TNC: variants seen among roughly 807,000 people sequenced by gnomAD.
TNC encodes the protein tenascin.
A neutral mutation model predicts 202.4 loss-of-function variants in TNC; 109 were observed. The ratio of observed to expected loss-of-function variants is 0.54; its 90% CI spans 0.46 to 0.63. TNC has a LOEUF of 0.63. Ranked by LOEUF, TNC falls within the 30% of genes least tolerant of loss-of-function variation. TNC has a pLI of 0.00. For synonymous variants in TNC, 1,007 were observed against 1,089.7 expected, an observed-to-expected ratio of 0.92 and a Z score of 1.50; for missense variants, 2,756 against 2,833.3, an observed-to-expected ratio of 0.97 and a Z score of 0.62.
At chr9:115,106,852 T>TA (rs2134191151) in intron 1 of TNC, among the ~76,000 whole-genome samples, 2 of 152,254 alleles carry the variant, frequency 1.3e-5, no homozygotes, top group African/African-American at 4.8e-5. Context: ...ACAAACAACT[T>TA]ATTTGTATAA....
At chr9:115,066,560 T>A (rs62578426) in intron 10 of TNC, among the ~76,000 whole-genome samples, 11,977 of 152,226 alleles carry the variant, frequency 0.079, 642 homozygotes, top group Middle Eastern at 0.19. Context: ...GGAACATTCT[T>A]CCTGCTTGTT....
chr9:115,043,023 T>C (rs1018507981), intron 17 of TNC, among the ~76,000 whole-genome samples: 1 of 152,204 alleles, frequency 6.6e-6, no homozygotes, highest in African/African-American at 2.4e-5. Context: ...ACGCTGGGTC[T>C]ACCTGTGAGA....
In TNC at chr9:115,025,785, A is replaced by G. The variant is rs541286250; in HGVS notation, c.6331+749T>C. On this transcript the variant is annotated intron_variant, in intron 26 of 27. Transcript: ENST00000350763. ...ATGGTACCTAGTAGGGCCTTAATACATGTTGTTTCCTTATTTATTTCTCCT... is the reference window on the plus strand; with the variant it reads ...ATGGTACCTAGTAGGGCCTTAATACGTGTTGTTTCCTTATTTATTTCTCCT... Among the ~76,000 whole-genome samples the G allele has an allele frequency of 3.3e-5, 5 of 152,352 alleles. No individual in the cohort carries two copies. The South Asian group carries it at 8.3e-4, about 25-fold the overall frequency.
chr9:115,105,675 A>G (rs527589234), intron 1 of TNC, among the ~76,000 whole-genome samples: 2 of 152,312 alleles, frequency 1.3e-5, no homozygotes, highest in South Asian at 4.1e-4. Flanking sequence ...AACCCCCTTA[A>G]CTTGGCTTTA....
rs1020898513 is a variant in TNC, at chr9:115,057,555, G to A, written c.4307-130C>T. On this transcript the variant is annotated intron_variant, in intron 14 of 27. Transcript: ENST00000350763. ...GATCTGATAATTCAGGGCTATGATGGAAGGAAGCAATGTTACCAATTAGTG... is the reference window on the plus strand; with the variant it reads ...GATCTGATAATTCAGGGCTATGATGAAAGGAAGCAATGTTACCAATTAGTG... 11 of 1,019,092 alleles carry A rather than the reference G, an allele frequency of 1.1e-5. No homozygotes were observed. In the African/African-American group the frequency reaches 1.8e-4, roughly 16 times the overall value. The allele number at this position is 1,019,092 out of a possible 1,614,324, so 63.1% of individuals were successfully genotyped here.
chr9:115,024,265 A>T, intron 26 of TNC, 129 bp from the exon 27 acceptor site: 1 of 902,796 alleles, frequency 1.1e-6, no homozygotes, highest in Non-Finnish European at 1.7e-6. Context: ...CATTGATCCC[A>T]GAGTCAGCAT....
At chr9:115,103,769 T>C (rs1480031599) in intron 1 of TNC, among the ~76,000 whole-genome samples, 1 of 152,188 alleles carries the variant, frequency 6.6e-6, no homozygotes, top group Non-Finnish European at 1.5e-5. Flanking sequence ...CTCCAAATAG[T>C]GTTTCTTTCC....
At position 115,086,168 on chromosome 9, in the gene TNC, G is replaced by A. The variant is rs1295367465; in HGVS notation, c.1563C>T (p.Gly521=). The A allele has an allele frequency of 1.2e-6, 2 of 1,613,972 alleles. No homozygotes were observed. The highest frequency in any genetic ancestry group is 1.1e-5 in the South Asian group (1 of 91,096). Residue 521 remains glycine (G), a synonymous_variant, in exon 3 of 28, where the codon GGC becomes GGT. Transcript: ENST00000350763. ...CVDGQCVCED[G]FTGPDCAELS... is the part of the protein sequence containing the mutation. ...GTTCTGCACAGTCAGGGCCGGTGAA[G>A]CCGTCCTCACAGACGCACTGTCCGT... is the stretch of plus-strand genomic sequence containing the variant.
chr9:115,030,025 A>G (rs1829826679), intron 24 of TNC, among the ~76,000 whole-genome samples: 1 of 152,172 alleles, frequency 6.6e-6, no homozygotes. Flanking sequence ...GATGAGATAA[A>G]CTACAAGAAA....
At chr9:115,078,626 C>T (rs1469567143) in intron 6 of TNC, among the ~76,000 whole-genome samples, 1 of 151,990 alleles carries the variant, frequency 6.6e-6, no homozygotes, top group Non-Finnish European at 1.5e-5. Flanking sequence ...GGCAAAACTT[C>T]CTGGATGTTT....
In TNC at chr9:115,024,016, C is replaced by T. The variant is rs201858433; in HGVS notation, c.6452G>A (p.Arg2151His). 157 of 1,614,100 alleles carry T rather than the reference C, an allele frequency of 9.7e-5. No homozygotes were observed. In the Middle Eastern group the frequency reaches 1.3e-3, roughly 14 times the overall value. ...CCCATATCTCCCCATCAGGTTGACA[C>T]GGTGACAGTTCCTGTACCAGAAAGC... Reference protein sequence around the residue: ...KGAFWYRNCHRVNLMGRYGDN... With the variant: ...KGAFWYRNCHHVNLMGRYGDN... The change falls in exon 27 of 28, where the codon CGT becomes CAT. Residue 2151 changes from arginine to histidine, a missense_variant. Physicochemically the swap from Arg to His is conservative, Grantham distance 29. Coordinates refer to ENST00000350763, the MANE Select transcript of TNC (RefSeq NM_002160.4).
chr9:115,089,158 A>G (rs1280720968), intron 2 of TNC, among the ~76,000 whole-genome samples: 3 of 152,206 alleles, frequency 2.0e-5, no homozygotes, highest in Admixed American at 6.5e-5. Flanking sequence ...TTATGCCTAA[A>G]GAAAATGTTT....
intron 10 of TNC, among the ~76,000 whole-genome samples, chr9:115,072,683 A>C (rs1345987830): frequency 6.6e-6 from 1 of 152,218 alleles, no homozygotes; most frequent in Non-Finnish European, 1.5e-5. Flanking sequence ...AAATGAGTCC[A>C]CATAACAATG....
chr9:115,083,862 C>T (rs1309717468), intron 4 of TNC, among the ~76,000 whole-genome samples: 1 of 152,154 alleles, frequency 6.6e-6, no homozygotes, highest in African/African-American at 2.4e-5. Flanking sequence ...ACTTTGGCCT[C>T]CCAAAGTGCT....
intron 5 of TNC, 59 bp downstream of exon 5, chr9:115,082,633 C>T (rs1834387180): frequency 5.5e-6 from 7 of 1,282,504 alleles, no homozygotes; most frequent in Non-Finnish European, 6.8e-6. Context: ...TCTTCAGAAC[C>T]CTTTGGTCAT....
chr9:115,040,615 C>T (rs1167448524), intron 19 of TNC, among the ~76,000 whole-genome samples: 1 of 152,160 alleles, frequency 6.6e-6, no homozygotes, highest in East Asian at 1.9e-4. Flanking sequence ...GGACTGATAG[C>T]TCATGTAGTT....
At position 115,087,247 on chromosome 9, in the gene TNC, T is replaced by C; in HGVS notation, c.484A>G (p.Ser162Gly). The C allele has an allele frequency of 1.2e-6, 2 of 1,613,798 alleles. No homozygotes were observed. Among genetic ancestry groups the C allele is most frequent in the Non-Finnish European group, 1.7e-6 (2 of 1,179,722 alleles). The change falls in exon 3 of 28, where the codon AGC becomes GGC. Residue 162 changes from serine (S) to glycine (G), a missense_variant. By Grantham distance (56) the Ser-to-Gly change is moderately conservative. This residue lies in a region of TNC where 2,559 missense variants were observed against 2,546.0 expected (regional missense o/e 1.01). Coordinates refer to ENST00000350763, the MANE Select transcript of TNC (RefSeq NM_002160.4). Reference sequence around the variant, plus strand: ...TCAGTGCTGAAGTTGCCCCGACCGCTACAGAAGGGCCTGGTGTCCAAGCGG... The same window carrying C: ...TCAGTGCTGAAGTTGCCCCGACCGCCACAGAAGGGCCTGGTGTCCAAGCGG... The part of the protein sequence containing the change: ...TGRLDTRPFC[S>G]GRGNFSTEGC...
At chr9:115,091,304 G>T in intron 1 of TNC, 150 bp from the exon 2 acceptor site, 1 of 376,584 alleles carries the variant, frequency 2.7e-6, no homozygotes, top group Admixed American at 4.2e-5. Flanking sequence ...AACATACAAT[G>T]GTCTCTAAAA....
At chr9:115,098,936 G>GTTTTTTT (rs1227896909) in intron 1 of TNC, among the ~76,000 whole-genome samples, 5 of 40,938 alleles carry the variant, frequency 1.2e-4, no homozygotes, top group African/African-American at 4.2e-4. Context: ...CCTTAAGTGT[G>GTTTTTTT]TATTTTTTTT....
Sources: allele counts gnomAD v4.1 joint callset (sites outside exome capture counted in the v4.1 genomes callset), GRCh38; gene constraint gnomAD v4.1.1; regional missense constraint gnomAD v4.1.1; transcripts MANE v1.5; gene names NCBI Gene and HGNC (gene_info 2026-07-23, HGNC 2026-07-21).